Variants in ULK4 observed in about 807,000 individuals in gnomAD.
ULK4 encodes unc-51 like kinase 4.
ULK4 carries 133 observed loss-of-function variants against 160.6 expected under a neutral mutation model. The ratio of observed to expected loss-of-function variants is 0.83; its 90% CI spans 0.72 to 0.96. ULK4 has a LOEUF of 0.96. ULK4 is among the 40% of genes least tolerant of loss of function. The pLI is 0.00. For missense variants in ULK4, 1,580 were observed against 1,499.5 expected, an observed-to-expected ratio of 1.05 and a Z score of -0.89; for synonymous variants, 534 against 539.8, an observed-to-expected ratio of 0.99 and a Z score of 0.15.
intron 32 of ULK4, among the ~76,000 whole-genome samples, chr3:41,539,314 T>C (rs1002754303): frequency 6.6e-6 from 1 of 152,240 alleles, no homozygotes; most frequent in South Asian, 2.1e-4. Flanking sequence ...CCAAGAAAAC[T>C]GTATTTGTAA....
chr3:41,269,545 G>A (rs2079102842), intron 35 of ULK4, among the ~76,000 whole-genome samples: 1 of 152,156 alleles, frequency 6.6e-6, no homozygotes. Flanking sequence ...CCATGAGTCA[G>A]ATGCTACTAT....
In ULK4 at chr3:41,890,512, T is replaced by C. The variant is rs1162306148; in HGVS notation, c.1577+5006A>G. ...CTGGCCAACATGGTGAAAACCCATC[T>C]CTACTAAAAATACAAAAATTAGCTG... On this transcript the variant is annotated intron_variant, in intron 16 of 36. Transcript: ENST00000301831. Among the ~76,000 whole-genome samples, 3 of 151,706 alleles carry C rather than the reference T, an allele frequency of 2.0e-5. No individual in the cohort carries two copies. In the East Asian group the frequency reaches 5.9e-4, roughly 30 times the overall value.
chr3:41,355,416 C>T (rs535583365), intron 35 of ULK4, among the ~76,000 whole-genome samples: 87 of 152,246 alleles, frequency 5.7e-4, no homozygotes, highest in African/African-American at 2.0e-3. Flanking sequence ...TTGTACCCAT[C>T]GTGAAGACTC....
intron 31 of ULK4, among the ~76,000 whole-genome samples, chr3:41,593,577 C>G (rs563661589): frequency 3.9e-5 from 6 of 152,260 alleles, no homozygotes; most frequent in African/African-American, 7.2e-5. Context: ...TCAGTAACTA[C>G]AGAGAGAGAG....
At chr3:41,536,162 T>C (rs2086491884) in intron 32 of ULK4, among the ~76,000 whole-genome samples, 1 of 152,170 alleles carries the variant, frequency 6.6e-6, no homozygotes, top group Non-Finnish European at 1.5e-5. Context: ...TGTCAACCTC[T>C]TTTCTATATA....
intron 32 of ULK4, among the ~76,000 whole-genome samples, chr3:41,473,399 C>T (rs751390180): frequency 9.2e-5 from 14 of 152,056 alleles, no homozygotes; most frequent in East Asian, 1.9e-4. Flanking sequence ...CAGTGGCTCA[C>T]GCCTGTAAAC....
chr3:41,828,277 T>C (rs1049933224), intron 18 of ULK4, among the ~76,000 whole-genome samples: 4 of 145,204 alleles, frequency 2.8e-5, no homozygotes, highest in African/African-American at 5.2e-5. Flanking sequence ...CTATTCAACA[T>C]AGTGTTGGAA....
intron 17 of ULK4, among the ~76,000 whole-genome samples, chr3:41,858,863 G>C (rs1451997857): frequency 6.6e-6 from 1 of 152,040 alleles, no homozygotes; most frequent in African/African-American, 2.4e-5. Context: ...AAAGACGGCA[G>C]AAATAATAAA....
intron 35 of ULK4, among the ~76,000 whole-genome samples, chr3:41,312,031 T>G (rs963235670): frequency 6.6e-5 from 10 of 151,026 alleles, no homozygotes; most frequent in African/African-American, 2.5e-4. Flanking sequence ...TGAAGTGCAG[T>G]GGCATGATTA....
At chr3:41,701,808 G>T (rs1375108437) in intron 27 of ULK4, among the ~76,000 whole-genome samples, 1 of 152,004 alleles carries the variant, frequency 6.6e-6, no homozygotes, top group Admixed American at 6.6e-5. Flanking sequence ...AGCAGGCTAA[G>T]GTCTGTATAT....
chr3:41,372,515 C>A (rs2081391092), intron 35 of ULK4, among the ~76,000 whole-genome samples: 1 of 152,178 alleles, frequency 6.6e-6, no homozygotes. Flanking sequence ...AATTTTCAAC[C>A]CAGAATTTCA....
intron 16 of ULK4, among the ~76,000 whole-genome samples, chr3:41,884,963 C>A: frequency 6.6e-6 from 1 of 152,112 alleles, no homozygotes; most frequent in East Asian, 1.9e-4. Context: ...AAAAGCCATC[C>A]TCCCACCTCA....
chr3:41,835,116 G>A (rs2041715122), intron 18 of ULK4, among the ~76,000 whole-genome samples: 1 of 152,004 alleles, frequency 6.6e-6, no homozygotes. Flanking sequence ...AGGCTGAGGT[G>A]GGAGAATGAT....
intron 29 of ULK4, among the ~76,000 whole-genome samples, chr3:41,681,213 C>A (rs374115785): frequency 2.0e-5 from 3 of 152,134 alleles, no homozygotes; most frequent in Non-Finnish European, 2.9e-5. Context: ...GAATCATAAC[C>A]CTCACCCCTT....
At chr3:41,774,980 C>T (rs201048757) in intron 21 of ULK4, among the ~76,000 whole-genome samples, 8 of 147,674 alleles carry the variant, frequency 5.4e-5, no homozygotes, top group African/African-American at 1.3e-4. Context: ...GGACAAAAAA[C>T]CAAACACCGC....
intron 7 of ULK4, among the ~76,000 whole-genome samples, chr3:41,917,816 A>C (rs6599188): frequency 0.95 from 143,523 of 151,780 alleles, 68,375 homozygotes; most frequent in East Asian, 1. Flanking sequence ...CCCGTCTCTA[A>C]TAAAAAACAA....
intron 32 of ULK4, among the ~76,000 whole-genome samples, chr3:41,527,696 T>C (rs1449686245): frequency 1.3e-5 from 2 of 152,228 alleles, no homozygotes; most frequent in Non-Finnish European, 2.9e-5. Context: ...TTTCATTGTA[T>C]CCTCACAATA....
intron 35 of ULK4, among the ~76,000 whole-genome samples, chr3:41,323,435 CA>C (rs1369129196): frequency 2.0e-5 from 3 of 148,952 alleles, no homozygotes; most frequent in East Asian, 2.0e-4. Context: ...CACACACACA[CA>C]CACCAAAAAC....
At chr3:41,657,637 G>C (rs1285470184) in intron 30 of ULK4, among the ~76,000 whole-genome samples, 1 of 151,782 alleles carries the variant, frequency 6.6e-6, no homozygotes, top group South Asian at 2.1e-4. Context: ...GGCCAAGATG[G>C]TGAAACCCCA....
Sources: allele counts gnomAD v4.1 joint callset (sites outside exome capture counted in the v4.1 genomes callset), GRCh38; gene constraint gnomAD v4.1.1; transcripts MANE v1.5; gene names NCBI Gene and HGNC (gene_info 2026-07-23, HGNC 2026-07-21).